The following GIPC2 variants were observed in gnomAD, a reference collection of about 807,000 sequenced individuals.
GIPC2 encodes GIPC PDZ domain containing family member 2.
In GIPC2, 30 loss-of-function variants were observed where a neutral mutation model predicts 30.6. That is an observed-to-expected ratio of 0.98 (90% CI 0.73 to 1.33). The LOEUF is 1.33. Among genes scored for constraint, GIPC2 ranks in the 40% most tolerant of loss-of-function variants. The probability of loss-of-function intolerance (pLI) is 0.00; values close to 1 mark genes in which losing one functional copy is unlikely to be tolerated. For missense variants in GIPC2, 414 were observed against 390.3 expected, an observed-to-expected ratio of 1.06 and a Z score of -0.51; for synonymous variants, 167 against 150.0, an observed-to-expected ratio of 1.11 and a Z score of -0.83.
At chr1:78,065,346 C>T (rs949587498) in intron 1 of GIPC2, among the ~76,000 whole-genome samples, 6 of 151,642 alleles carry the variant, frequency 4.0e-5, no homozygotes, top group African/African-American at 1.2e-4. Flanking sequence ...CCCAGGAATA[C>T]GGCTAACCAG....
intron 1 of GIPC2, among the ~76,000 whole-genome samples, chr1:78,073,876 C>A (rs540545746): frequency 1.3e-5 from 2 of 152,128 alleles, no homozygotes; most frequent in East Asian, 3.9e-4. Flanking sequence ...TGGCTCTGTG[C>A]GATAGTTCAA....
chr1:78,091,444 T>C (rs918578627), intron 2 of GIPC2: 1 of 593,204 alleles, frequency 1.7e-6, no homozygotes, highest in African/African-American at 1.9e-5. Context: ...CCAGGGGCCT[T>C]TGCCTGGCTT....
intron 1 of GIPC2, among the ~76,000 whole-genome samples, chr1:78,050,924 G>A (rs909569221): frequency 2.6e-5 from 4 of 152,106 alleles, no homozygotes; most frequent in Non-Finnish European, 4.4e-5. Context: ...GTGAGCCACC[G>A]TGTCCGGCCA....
At chr1:78,111,255 C>T (rs183380471) in intron 3 of GIPC2, among the ~76,000 whole-genome samples, 40 of 152,170 alleles carry the variant, frequency 2.6e-4, no homozygotes, top group Admixed American at 5.9e-4. Flanking sequence ...GATATTGGGG[C>T]GGCGGGGGGT....
chr1:78,124,692 AT>A (rs1304552161), intron 4 of GIPC2, among the ~76,000 whole-genome samples: 1 of 152,164 alleles, frequency 6.6e-6, no homozygotes, highest in Non-Finnish European at 1.5e-5. Context: ...TCTCCTGCTT[AT>A]CTCCTCTTCA....
In GIPC2 at chr1:78,135,609, G is replaced by C; in HGVS notation, c.814G>C (p.Ala272Pro). 1.9e-6 allele frequency: 3 copies of C among 1,583,162 alleles called. No homozygotes were observed. The highest frequency in any genetic ancestry group is 2.6e-6 in the Non-Finnish European group (3 of 1,160,384). Reference sequence around the variant, plus strand: ...TTTGATAGCCACCACAATGTTTGAAGCTGGAAAGGACAAAGTAAATCCAGA... The same window carrying C: ...TTTGATAGCCACCACAATGTTTGAACCTGGAAAGGACAAAGTAAATCCAGA... The part of the protein sequence containing the change: ...DIDLATTMFE[A>P]GKDKVNPDEF... Residue 272 changes from alanine (A) to proline (P), a missense_variant, in exon 6 of 6, where the codon GCT becomes CCT. By Grantham distance (27) the Ala-to-Pro change is conservative. Transcript: ENST00000370759.
intron 5 of GIPC2, among the ~76,000 whole-genome samples, chr1:78,130,087 C>T (rs1571531617): frequency 6.8e-6 from 1 of 146,806 alleles, no homozygotes. Flanking sequence ...ACATTTCTTC[C>T]TTTCTTCCTA....
intron 4 of GIPC2, 58 bp downstream of exon 4, chr1:78,119,557 C>G (rs1195362228): frequency 1.3e-5 from 14 of 1,056,140 alleles, no homozygotes; most frequent in Non-Finnish European, 2.0e-5. Context: ...AGATAAAATT[C>G]CATTCATTCT....
chr1:78,090,976 C>CA (rs968824673), intron 2 of GIPC2, among the ~76,000 whole-genome samples: 52 of 151,180 alleles, frequency 3.4e-4, no homozygotes, highest in African/African-American at 1.2e-3. Flanking sequence ...ATAAGGCTGT[C>CA]AAAAAAAAAT....
rs773213515 is a variant in GIPC2 at position 78,103,893 on chromosome 1, TGAAAGGCGACA to T, written c.607+8763_607+8773del. Among the ~76,000 whole-genome samples the T allele has an allele frequency of 7.7e-4, 118 of 152,310 alleles. 1 individual carries two copies. In the Middle Eastern group the frequency reaches 0.01, roughly 13 times the overall value. ...AACAGGGATCAATGTCCTGTTCTCATGAAAGGCGACAGGACATCTGATAGAATGGCATAAGG... is the reference window on the plus strand; with the variant it reads ...AACAGGGATCAATGTCCTGTTCTCATGGACATCTGATAGAATGGCATAAGG... On this transcript the variant is annotated intron_variant, in intron 3 of 5. Transcript: ENST00000370759.
chr1:78,058,714 T>G (rs1661340064), intron 1 of GIPC2, among the ~76,000 whole-genome samples: 2 of 152,200 alleles, frequency 1.3e-5, no homozygotes, highest in Admixed American at 1.3e-4. Flanking sequence ...CACTAAAAAT[T>G]TAAATATCCA....
chr1:78,091,750 C>T, intron 2 of GIPC2: 2 of 776,166 alleles, frequency 2.6e-6, no homozygotes, highest in South Asian at 1.3e-5. Context: ...AATTTGTTCT[C>T]AAGCACAAAG....
chr1:78,110,849 C>T (rs1478771635), intron 3 of GIPC2, among the ~76,000 whole-genome samples: 2 of 152,154 alleles, frequency 1.3e-5, no homozygotes, highest in Non-Finnish European at 2.9e-5. Flanking sequence ...CCCACTTGGG[C>T]CTTTGATAAC....
In GIPC2 at chr1:78,068,471, G is replaced by A. The variant is rs148152961; in HGVS notation, c.241-12204G>A. On this transcript the variant is annotated intron_variant, in intron 1 of 5. Transcript: ENST00000370759. Reference sequence around the variant, plus strand: ...TTTCCTTTTATCCCATGCTGTCTTAGTCTCAGCATCTTGAAGTGGGAGCAT... The same window carrying A: ...TTTCCTTTTATCCCATGCTGTCTTAATCTCAGCATCTTGAAGTGGGAGCAT... Among the ~76,000 whole-genome samples the A allele has an allele frequency of 1.9e-3, 295 of 152,342 alleles. 1 individual carries two copies. The highest frequency in any genetic ancestry group is 3.7e-3 in the Non-Finnish European group (253 of 68,032).
At chr1:78,054,680 A>G (rs1661254708) in intron 1 of GIPC2, among the ~76,000 whole-genome samples, 2 of 152,232 alleles carry the variant, frequency 1.3e-5, no homozygotes. Context: ...CCTGAGCACC[A>G]GCCTCATTTT....
At chr1:78,049,610 G>A (rs1661157955) in intron 1 of GIPC2, among the ~76,000 whole-genome samples, 2 of 152,200 alleles carry the variant, frequency 1.3e-5, no homozygotes, top group Admixed American at 1.3e-4. Flanking sequence ...TCTTTATTGA[G>A]GAGAAAGGGA....
intron 1 of GIPC2, among the ~76,000 whole-genome samples, chr1:78,056,637 A>G (rs185511405): frequency 6.6e-6 from 1 of 152,332 alleles, no homozygotes; most frequent in East Asian, 1.9e-4. Context: ...ACACAAGTAG[A>G]GAAAAGCACA....
chr1:78,069,104 A>G (rs1661571663), intron 1 of GIPC2: 2 of 985,120 alleles, frequency 2.0e-6, no homozygotes. Context: ...CAGGTTGCTG[A>G]TAATCAACAA....
intron 1 of GIPC2, among the ~76,000 whole-genome samples, chr1:78,050,407 G>A (rs1170068991): frequency 2.0e-5 from 3 of 152,116 alleles, no homozygotes; most frequent in Non-Finnish European, 1.5e-5. Flanking sequence ...GTCCCTGAAG[G>A]AATAAGCTAA....
Sources: gnomAD v4.1 joint callset for allele counts (sites outside exome capture counted in the v4.1 genomes callset) on GRCh38, gnomAD v4.1.1 for gene constraint, MANE v1.5 for transcripts, NCBI Gene and HGNC (gene_info 2026-07-23, HGNC 2026-07-21) for gene names.